The following INTS9 variants were observed in gnomAD, a reference collection of about 807,000 sequenced individuals.
INTS9 encodes the protein integrator complex subunit 9.
In INTS9, 55 loss-of-function variants were observed where a neutral mutation model predicts 79.7. The ratio of observed to expected loss-of-function variants is 0.69; its 90% CI spans 0.56 to 0.86. The LOEUF is 0.86. Among genes scored for constraint, INTS9 ranks in the 40% least tolerant of loss-of-function variants. The pLI is 0.00. For missense variants in INTS9, 721 were observed against 831.5 expected (o/e 0.87, Z 1.64); for synonymous variants, 319 against 325.2 (o/e 0.98, Z 0.20).
At chr8:28,834,956 C>T (rs186076915) in intron 6 of INTS9, among the ~76,000 whole-genome samples, 4 of 152,220 alleles carry the variant, frequency 2.6e-5, no homozygotes, top group African/African-American at 9.6e-5. Context: ...GGATTACAGG[C>T]GTGAGTCACC....
rs367640928 is a variant in INTS9 at position 28,770,155 on chromosome 8, C to A, written c.1663-129G>T. The A allele has an allele frequency of 4.1e-5, 50 of 1,208,564 alleles. No individual in the cohort carries two copies. In the East Asian group the frequency reaches 1.3e-3, roughly 31 times the overall value. The allele number at this position is 1,208,564 out of a possible 1,614,324, so 74.9% of individuals were successfully genotyped here. On this transcript the variant is annotated intron_variant, in intron 15 of 16. Transcript: ENST00000521022. ...AGAGCCCCGGCCCGGTTTCCTCAGC[C>A]GGCACTCGGTTCAGGTTCCCTGGCT... is the stretch of plus-strand genomic sequence containing the variant.
intron 8 of INTS9, chr8:28,799,364 AT>A (rs1804399164): frequency 6.6e-6 from 1 of 152,282 alleles, no homozygotes; most frequent in South Asian, 2.1e-4. Flanking sequence ...GGCCATTAGC[AT>A]CTTCTTCCTT....
chr8:28,809,659 G>A (rs906474412), intron 8 of INTS9, among the ~76,000 whole-genome samples: 2 of 152,166 alleles, frequency 1.3e-5, no homozygotes, highest in Non-Finnish European at 2.9e-5. Flanking sequence ...GACAAATCGC[G>A]AGAGTTGGCA....
chr8:28,823,104 T>C (rs538737230), intron 6 of INTS9, among the ~76,000 whole-genome samples: 1 of 152,236 alleles, frequency 6.6e-6, no homozygotes, highest in South Asian at 2.1e-4. Context: ...GAGAGGACTT[T>C]TCAAGGAGAT....
chr8:28,846,101 G>A (rs150228854), intron 4 of INTS9, among the ~76,000 whole-genome samples: 52 of 152,236 alleles, frequency 3.4e-4, no homozygotes, highest in Middle Eastern at 3.4e-3. Flanking sequence ...GAGCAGCTCC[G>A]GCTTTCCACA....
At chr8:28,855,929 A>G (rs1808126108) in intron 2 of INTS9, among the ~76,000 whole-genome samples, 1 of 152,248 alleles carries the variant, frequency 6.6e-6, no homozygotes, top group South Asian at 2.1e-4. Flanking sequence ...AATTATGTGT[A>G]TACATACCAA....
At chr8:28,855,295 A>G (rs2131276494) in intron 2 of INTS9, among the ~76,000 whole-genome samples, 1 of 152,382 alleles carries the variant, frequency 6.6e-6, no homozygotes, top group East Asian at 1.9e-4. Context: ...CTGGAGGGGC[A>G]GGCGTGAAGC....
chr8:28,882,381 T>C (rs1809911301), intron 1 of INTS9, among the ~76,000 whole-genome samples: 1 of 143,142 alleles, frequency 7.0e-6, no homozygotes, highest in Non-Finnish European at 1.5e-5. Context: ...CACTTGTTTA[T>C]CTGCTGACCT....
At chr8:28,781,083 C>A in intron 11 of INTS9, 89 bp from the exon 12 acceptor site, 1 of 989,406 alleles carries the variant, frequency 1.0e-6, no homozygotes. Context: ...GGGACTGGAT[C>A]TAAAATACCA....
intron 6 of INTS9, among the ~76,000 whole-genome samples, chr8:28,817,969 TAAG>T (rs1228979078): frequency 1.3e-5 from 2 of 149,232 alleles, no homozygotes; most frequent in Non-Finnish European, 3.0e-5. Flanking sequence ...TATTGGTGTA[TAAG>T]AATGCTTGTG....
chr8:28,790,231 C>A (rs1039928788), intron 10 of INTS9, among the ~76,000 whole-genome samples: 1 of 152,312 alleles, frequency 6.6e-6, no homozygotes, highest in Admixed American at 6.5e-5. Context: ...GGAGAGGAAG[C>A]CAAACCCTCA....
intron 4 of INTS9, 120 bp from the exon 5 acceptor site, chr8:28,837,896 C>T: frequency 2.1e-6 from 2 of 946,592 alleles, no homozygotes; most frequent in Non-Finnish European, 3.2e-6. Flanking sequence ...ATAATGATGG[C>T]TTTCCTGCAA....
intron 1 of INTS9, among the ~76,000 whole-genome samples, chr8:28,887,384 G>A (rs114037416): frequency 2.8e-4 from 43 of 152,280 alleles, no homozygotes; most frequent in African/African-American, 1.0e-3. Context: ...GTTGAATTCC[G>A]ATTACAAAGA....
At chr8:28,870,507 G>T (rs1809029513) in intron 1 of INTS9, among the ~76,000 whole-genome samples, 1 of 152,108 alleles carries the variant, frequency 6.6e-6, no homozygotes, top group South Asian at 2.1e-4. Context: ...GGTAAAACTT[G>T]TAAATGGCTA....
chr8:28,794,071 A>G, intron 9 of INTS9, 84 bp from the exon 10 acceptor site: 1 of 1,143,980 alleles, frequency 8.7e-7, no homozygotes, highest in Non-Finnish European at 1.2e-6. Context: ...TAAGATTTGC[A>G]CTTGTTTTCC....
chr8:28,889,508 A>G (rs970054925), intron 1 of INTS9, among the ~76,000 whole-genome samples: 1 of 152,226 alleles, frequency 6.6e-6, no homozygotes, highest in African/African-American at 2.4e-5. Flanking sequence ...AGGATACTCA[A>G]GCGCCAATCG....
At chr8:28,773,234 C>A (rs1052568873) in intron 14 of INTS9, among the ~76,000 whole-genome samples, 1 of 152,072 alleles carries the variant, frequency 6.6e-6, no homozygotes, top group African/African-American at 2.4e-5. Flanking sequence ...GAGGCCAAGG[C>A]GGGTGGATCA....
rs1292620744 is a variant in INTS9, at chr8:28,775,766, A to G, written c.1556T>C (p.Met519Thr). Residue 519 changes from methionine to threonine, a missense_variant, in exon 14 of 17, where the codon ATG becomes ACG. Physicochemically the swap from Met to Thr is moderately conservative, Grantham distance 81 (BLOSUM62 -1). Coordinates refer to ENST00000521022, the MANE Select transcript of INTS9 (RefSeq NM_018250.4). ...FKRRYEKIEI[M>T]PELADSLVPM... ...GGAAGGAGAACAGCTCACCTCTGGC[A>G]TGATCTCGATCTTCTCGTACCGACG... 9 of 1,613,974 alleles carry G rather than the reference A, an allele frequency of 5.6e-6. No individual in the cohort carries two copies. In the East Asian group the frequency reaches 2.0e-4, roughly 36 times the overall value.
intron 1 of INTS9, 108 bp downstream of exon 1, chr8:28,889,766 T>C: frequency 7.8e-7 from 1 of 1,280,884 alleles, no homozygotes. Context: ...TCCAGCTCAA[T>C]AATTGCTACC....
Sources: gnomAD v4.1 joint callset for allele counts (sites outside exome capture counted in the v4.1 genomes callset) on GRCh38, gnomAD v4.1.1 for gene constraint, MANE v1.5 for transcripts, NCBI Gene and HGNC (gene_info 2026-07-23, HGNC 2026-07-21) for gene names.